The following PAIP2 variants were observed in gnomAD, a reference collection of about 807,000 sequenced individuals.
PAIP2 encodes polyadenylate-binding protein-interacting protein 2.
A neutral mutation model predicts 14.8 loss-of-function variants in PAIP2; 7 were observed. The ratio of observed to expected loss-of-function variants is 0.47; its 90% confidence interval spans 0.27 to 0.89. The LOEUF (loss-of-function observed/expected upper bound fraction) is 0.89. Ranked by LOEUF, PAIP2 falls within the 40% of genes least tolerant of loss-of-function variation. PAIP2 has a pLI of 0.13. For missense variants in PAIP2, 122 were observed against 154.7 expected, an observed-to-expected ratio of 0.79 and a Z score of 1.12; for synonymous variants, 47 against 45.3, an observed-to-expected ratio of 1.04 and a Z score of -0.15.
At chr5:139,343,381 G>T (rs1043892909) in intron 1 of PAIP2, 1 of 152,188 alleles carries the variant, frequency 6.6e-6, no homozygotes, top group Admixed American at 6.5e-5. Flanking sequence ...GGCTGTGCAC[G>T]TTGCTCCTTA....
chr5:139,362,941 T>C (rs1296179290), intron 1 of PAIP2, among the ~76,000 whole-genome samples: 3 of 152,080 alleles, frequency 2.0e-5, no homozygotes, highest in Non-Finnish European at 4.4e-5. Context: ...TTTACTGTTA[T>C]CGGAAAACAT....
chr5:139,360,718 C>G (rs1443155217), intron 1 of PAIP2, among the ~76,000 whole-genome samples: 2 of 151,858 alleles, frequency 1.3e-5, no homozygotes, highest in Non-Finnish European at 2.9e-5. Context: ...CCCTGTTGAC[C>G]TCCCAAAGTG....
At chr5:139,342,452 G>C (rs1054774939) in intron 1 of PAIP2, 2 of 152,164 alleles carry the variant, frequency 1.3e-5, no homozygotes, top group Non-Finnish European at 1.5e-5. Flanking sequence ...CTGGGGTTTG[G>C]GGAGAGAGGG....
chr5:139,367,302 C>A (rs1214621306), intron 3 of PAIP2: 1 of 152,186 alleles, frequency 6.6e-6, no homozygotes, highest in South Asian at 2.1e-4. Context: ...GGCCCTGGAA[C>A]CTGCCCTCAT....
intron 1 of PAIP2, among the ~76,000 whole-genome samples, chr5:139,351,159 A>G (rs116277149): frequency 1.4e-3 from 219 of 152,354 alleles, no homozygotes; most frequent in Middle Eastern, 3.4e-3. Context: ...AGATGCAGCA[A>G]AATGGATGCA....
At chr5:139,350,110 G>A (rs1581297109) in intron 1 of PAIP2, among the ~76,000 whole-genome samples, 2 of 151,516 alleles carry the variant, frequency 1.3e-5, no homozygotes, top group Admixed American at 1.3e-4. Flanking sequence ...TGGAGGCAGA[G>A]ACTGCAGTGA....
At chr5:139,353,107 C>CAA (rs78396923) in intron 1 of PAIP2, among the ~76,000 whole-genome samples, 30 of 130,022 alleles carry the variant, frequency 2.3e-4, no homozygotes, top group African/African-American at 8.0e-4. Context: ...AACTCTGTCT[C>CAA]AAAAAAAAAA....
At chr5:139,349,550 G>A (rs1756662676) in intron 1 of PAIP2, among the ~76,000 whole-genome samples, 1 of 151,854 alleles carries the variant, frequency 6.6e-6, no homozygotes, top group Non-Finnish European at 1.5e-5. Context: ...TCCTGCCCTT[G>A]GAGTACATTT....
At chr5:139,343,434 G>C (rs1315936914) in intron 1 of PAIP2, 1 of 152,196 alleles carries the variant, frequency 6.6e-6, no homozygotes, top group Non-Finnish European at 1.5e-5. Context: ...CTTTTGGTCA[G>C]AATGAGTTTA....
chr5:139,365,209 G>A (rs1757182595), intron 3 of PAIP2: 1 of 151,408 alleles, frequency 6.6e-6, no homozygotes, highest in Non-Finnish European at 1.5e-5. Context: ...AATTTGGCCA[G>A]GCACGGTGGC....
At chr5:139,343,899 G>A (rs1051669612) in intron 1 of PAIP2, among the ~76,000 whole-genome samples, 1 of 151,934 alleles carries the variant, frequency 6.6e-6, no homozygotes, top group East Asian at 1.9e-4. Flanking sequence ...TGTATTTTTA[G>A]TAGAGACAGG....
chr5:139,346,530 C>T (rs932581019), intron 1 of PAIP2, among the ~76,000 whole-genome samples: 28 of 150,820 alleles, frequency 1.9e-4, no homozygotes, highest in Non-Finnish European at 2.9e-4. Context: ...GCCACCGCAC[C>T]TGGCCTATTT....
At chr5:139,357,945 A>G (rs146507595) in intron 1 of PAIP2, among the ~76,000 whole-genome samples, 346 of 152,354 alleles carry the variant, frequency 2.3e-3, no homozygotes, top group African/African-American at 7.7e-3. Flanking sequence ...GTAGTTTAAA[A>G]TACCACAGAG....
At chr5:139,347,206 C>T (rs2152044909) in intron 1 of PAIP2, among the ~76,000 whole-genome samples, 1 of 149,782 alleles carries the variant, frequency 6.7e-6, no homozygotes, top group Middle Eastern at 3.5e-3. Context: ...ACAGACATCT[C>T]AGAATTCTGT....
In PAIP2 at chr5:139,366,681, C is replaced by T. The variant is rs78553945; in HGVS notation, c.318+1938C>T. Among the ~76,000 whole-genome samples, 127 of 152,264 alleles carry T rather than the reference C, an allele frequency of 8.3e-4. 1 individual carries two copies. Among genetic ancestry groups the T allele is most frequent in the African/African-American group, 3.0e-3 (123 of 41,550 alleles). ...CTTTAATCTGGACCCAGTATAATTC[C>T]ATAGTACAGAAGCTGGTTTGTTCTT... On this transcript the variant is annotated intron_variant, in intron 3 of 3. Transcript: ENST00000265192.
intron 3 of PAIP2, chr5:139,367,511 C>A (rs1757332635): frequency 6.6e-6 from 1 of 151,010 alleles, no homozygotes; most frequent in African/African-American, 2.4e-5. Context: ...AAATTTGAAT[C>A]CCAGAGAAAG....
chr5:139,349,715 A>T (rs969391774), intron 1 of PAIP2, among the ~76,000 whole-genome samples: 1 of 152,112 alleles, frequency 6.6e-6, no homozygotes, highest in African/African-American at 2.4e-5. Context: ...CAAAAATGTT[A>T]ATTCCTGGCT....
intron 1 of PAIP2, among the ~76,000 whole-genome samples, chr5:139,362,122 C>T (rs578058736): frequency 6.6e-6 from 1 of 152,200 alleles, no homozygotes; most frequent in East Asian, 1.9e-4. Context: ...CACTTTCAAT[C>T]CCTGGACTTT....
intron 1 of PAIP2, among the ~76,000 whole-genome samples, chr5:139,354,543 T>A (rs569454231): frequency 1.3e-5 from 2 of 152,180 alleles, no homozygotes; most frequent in African/African-American, 4.8e-5. Context: ...ATACATAGAT[T>A]TGTGTCTTTT....
Sources: allele counts gnomAD v4.1 joint callset (sites outside exome capture counted in the v4.1 genomes callset), GRCh38; gene constraint gnomAD v4.1.1; transcripts MANE v1.5; gene names NCBI Gene and HGNC (gene_info 2026-07-23, HGNC 2026-07-21).